Variants in TENM3 observed in about 807,000 individuals in gnomAD.
The protein encoded by TENM3 is teneurin transmembrane protein 3, also known as teneurin-3.
In TENM3, 63 loss-of-function variants were observed where a neutral mutation model predicts 255.1. The ratio of observed to expected loss-of-function variants is 0.25; its 90% CI spans 0.20 to 0.30. The LOEUF (loss-of-function observed/expected upper bound fraction) is 0.30. Among genes scored for constraint, TENM3 ranks in the 10% least tolerant of loss-of-function variants. TENM3 has a pLI of 1.00. For missense variants in TENM3, 2,929 were observed against 3,461.1 expected, an observed-to-expected ratio of 0.85 and a Z score of 3.86; for synonymous variants, 1,306 against 1,322.3, an observed-to-expected ratio of 0.99 and a Z score of 0.27.
At chr4:181,907,654 G>GACAA in the TENM3 span, among the ~76,000 whole-genome samples, 1 of 152,042 alleles carries the variant, frequency 6.6e-6, no homozygotes, top group African/African-American at 2.4e-5. Flanking sequence ...AGGAAGGAAA[G>GACAA]ACAAACACAA....
At chr4:182,433,696 G>T (rs142358932) in intron 3 of TENM3, among the ~76,000 whole-genome samples, 1 of 152,276 alleles carries the variant, frequency 6.6e-6, no homozygotes, top group East Asian at 1.9e-4. Flanking sequence ...GAACATGGGA[G>T]GAGCATTTGC....
chr4:182,767,434 G>C, intron 22 of TENM3, among the ~76,000 whole-genome samples: 1 of 152,164 alleles, frequency 6.6e-6, no homozygotes, highest in South Asian at 2.1e-4. Context: ...AGCAATGTGG[G>C]AAAAGTCTTG....
At chr4:182,078,853 A>G in the TENM3 span, among the ~76,000 whole-genome samples, 2 of 152,280 alleles carry the variant, frequency 1.3e-5, no homozygotes, top group Non-Finnish European at 1.5e-5. Flanking sequence ...GGAAGAAAGC[A>G]TGGGGTGAAG....
the TENM3 span, among the ~76,000 whole-genome samples, chr4:181,719,606 C>A: frequency 6.6e-6 from 1 of 152,160 alleles, no homozygotes; most frequent in South Asian, 2.1e-4. Flanking sequence ...GAAGGCAGAG[C>A]CCTTATGACC....
chr4:182,690,667 G>A (rs1004276013), intron 12 of TENM3, among the ~76,000 whole-genome samples: 15 of 152,144 alleles, frequency 9.9e-5, no homozygotes, highest in African/African-American at 2.9e-4. Flanking sequence ...ATCCATAGGC[G>A]GATTTAACTT....
chr4:182,294,074 T>C (rs951791720), intron 1 of TENM3, among the ~76,000 whole-genome samples: 5 of 151,992 alleles, frequency 3.3e-5, no homozygotes, highest in Admixed American at 2.0e-4. Flanking sequence ...GTCGGAAGCA[T>C]TGGAGTCAGC....
At chr4:182,527,492 TAA>T (rs35017123) in intron 3 of TENM3, among the ~76,000 whole-genome samples, 36 of 148,168 alleles carry the variant, frequency 2.4e-4, no homozygotes, top group Non-Finnish European at 2.2e-4. Context: ...TCTGTTGGTT[TAA>T]AAAAAAAAAA....
intron 3 of TENM3, among the ~76,000 whole-genome samples, chr4:182,432,196 A>G (rs1039940493): frequency 6.6e-6 from 1 of 152,210 alleles, no homozygotes; most frequent in Admixed American, 6.5e-5. Flanking sequence ...AGAAGACGAC[A>G]TGAAATGCCA....
chr4:181,964,163 G>C, the TENM3 span, among the ~76,000 whole-genome samples: 1 of 149,686 alleles, frequency 6.7e-6, no homozygotes, highest in Admixed American at 6.7e-5. Flanking sequence ...TAGGGCCTTT[G>C]ACCAGATGGT....
chr4:182,449,488 T>A (rs576804054), intron 3 of TENM3, among the ~76,000 whole-genome samples: 1 of 152,088 alleles, frequency 6.6e-6, no homozygotes, highest in Admixed American at 6.5e-5. Flanking sequence ...ATGAGTAGTG[T>A]ACTGTCCTAA....
chr4:182,420,738 C>T (rs1770770076), intron 3 of TENM3, among the ~76,000 whole-genome samples: 1 of 152,128 alleles, frequency 6.6e-6, no homozygotes, highest in Admixed American at 6.5e-5. Flanking sequence ...ATACACCAAA[C>T]TATAGGTATG....
chr4:182,271,124 C>A (rs1233740020), intron 1 of TENM3, among the ~76,000 whole-genome samples: 1 of 152,168 alleles, frequency 6.6e-6, no homozygotes, highest in Non-Finnish European at 1.5e-5. Context: ...ATTCCTCCTG[C>A]TAAGACAACC....
At chr4:182,222,849 T>C (rs975365328) in intron 1 of TENM3, among the ~76,000 whole-genome samples, 3 of 152,198 alleles carry the variant, frequency 2.0e-5, no homozygotes, top group Non-Finnish European at 2.9e-5. Context: ...TGAATTTGAG[T>C]TTGCTGCCAG....
intron 1 of TENM3, among the ~76,000 whole-genome samples, chr4:182,282,916 AT>A (rs1760485353): frequency 1.3e-5 from 2 of 149,314 alleles, no homozygotes; most frequent in Non-Finnish European, 3.0e-5. Context: ...AAAAAAAAAA[AT>A]TTATAGTTAA....
the TENM3 span, among the ~76,000 whole-genome samples, chr4:181,806,603 C>T: frequency 6.6e-6 from 1 of 152,226 alleles, no homozygotes; most frequent in Non-Finnish European, 1.5e-5. Flanking sequence ...CAGCATTCCT[C>T]CCCTTCGGGG....
intron 16 of TENM3, among the ~76,000 whole-genome samples, chr4:182,732,316 G>A (rs1760830541): frequency 6.6e-6 from 1 of 152,086 alleles, no homozygotes; most frequent in Non-Finnish European, 1.5e-5. Flanking sequence ...ATGGCTATTA[G>A]CCTCAATAAC....
Position 182,774,469 on chromosome 4 carries a change from G to A in TENM3, c.5069-449G>A, listed in dbSNP as rs968624873. Among the ~76,000 whole-genome samples, 4 of 152,054 alleles carry A rather than the reference G, an allele frequency of 2.6e-5. No individual in the cohort carries two copies. In the East Asian group the frequency reaches 5.8e-4, roughly 22 times the overall value. On this transcript the variant is annotated intron_variant, in intron 23 of 27. Transcript: ENST00000511685. ...GAGGGAACATTGCTTTCTATTTTTG[G>A]TATTCAAGATATAGATATTAATCCT...
chr4:181,587,145 A>G, the TENM3 span, among the ~76,000 whole-genome samples: 2 of 152,156 alleles, frequency 1.3e-5, no homozygotes, highest in African/African-American at 4.8e-5. Flanking sequence ...TTAACATTAA[A>G]TTCTCTTTTT....
intron 1 of TENM3, among the ~76,000 whole-genome samples, chr4:182,300,104 C>T (rs961966683): frequency 7.9e-5 from 12 of 151,962 alleles, no homozygotes; most frequent in African/African-American, 2.7e-4. Flanking sequence ...TTAGTAGAGA[C>T]GAGGTTTCAC....
Sources: gnomAD v4.1 joint callset for allele counts (sites outside exome capture counted in the v4.1 genomes callset) on GRCh38, gnomAD v4.1.1 for gene constraint, MANE v1.5 for transcripts, NCBI Gene and HGNC (gene_info 2026-07-23, HGNC 2026-07-21) for gene names.